The following TRPC7 variants were observed in gnomAD, a reference collection of about 807,000 sequenced individuals.
TRPC7 encodes transient receptor potential cation channel subfamily C member 7, also known as short transient receptor potential channel 7.
In TRPC7, 42 loss-of-function variants were observed where a neutral mutation model predicts 90.1. That is an observed-to-expected ratio of 0.47 (90% CI 0.36 to 0.60). The LOEUF is 0.60. Ranked by LOEUF, TRPC7 falls within the 20% of genes least tolerant of loss-of-function variation. The pLI, the probability that TRPC7 is intolerant of heterozygous loss-of-function variation, is 0.00. For synonymous variants in TRPC7, 451 were observed against 436.3 expected (o/e 1.03, Z -0.42); for missense variants, 955 against 1,112.3 (o/e 0.86, Z 2.01).
intron 1 of TRPC7, among the ~76,000 whole-genome samples, chr5:136,360,979 G>C (rs1760550738): frequency 6.6e-6 from 1 of 152,094 alleles, no homozygotes; most frequent in African/African-American, 2.4e-5. Flanking sequence ...AGATATTCAT[G>C]TTTTAGCTAT....
At chr5:136,219,950 C>A (rs552217564) in intron 10 of TRPC7, among the ~76,000 whole-genome samples, 11 of 152,286 alleles carry the variant, frequency 7.2e-5, no homozygotes, top group African/African-American at 2.2e-4. Flanking sequence ...AAGTCAGGGA[C>A]CCTGAATGGA....
intron 7 of TRPC7, among the ~76,000 whole-genome samples, chr5:136,245,538 G>A (rs548008108): frequency 1.3e-4 from 20 of 152,266 alleles, no homozygotes; most frequent in African/African-American, 4.8e-4. Flanking sequence ...TGAGGGGCAG[G>A]GATCAGAGCC....
intron 7 of TRPC7, among the ~76,000 whole-genome samples, chr5:136,233,646 T>A (rs1755886867): frequency 6.6e-6 from 1 of 152,166 alleles, no homozygotes; most frequent in Non-Finnish European, 1.5e-5. Context: ...TGATCTAGGA[T>A]TATACACTTG....
intron 2 of TRPC7, among the ~76,000 whole-genome samples, chr5:136,336,618 T>TCC (rs1343873642): frequency 6.6e-6 from 1 of 152,054 alleles, no homozygotes; most frequent in Admixed American, 6.5e-5. Flanking sequence ...CATTAACTCA[T>TCC]CATTTATATT....
At chr5:136,321,386 A>G (rs1252942498) in intron 2 of TRPC7, among the ~76,000 whole-genome samples, 1 of 152,134 alleles carries the variant, frequency 6.6e-6, no homozygotes, top group East Asian at 1.9e-4. Context: ...TTCTTATTTT[A>G]CTACTTGCCA....
chr5:136,213,743 G>A, intron 11 of TRPC7, 139 bp from the exon 12 acceptor site: 1 of 856,930 alleles, frequency 1.2e-6, no homozygotes, highest in Non-Finnish European at 1.8e-6. Flanking sequence ...GTGAGGCAAG[G>A]GGGGCTCTAT....
intron 8 of TRPC7, among the ~76,000 whole-genome samples, chr5:136,227,494 G>A (rs1755665868): frequency 6.6e-6 from 1 of 151,912 alleles, no homozygotes; most frequent in African/African-American, 2.4e-5. Context: ...AGGCTGCTGG[G>A]ATATACCACA....
intron 4 of TRPC7, among the ~76,000 whole-genome samples, chr5:136,269,580 C>T (rs985376644): frequency 2.6e-5 from 4 of 152,202 alleles, no homozygotes; most frequent in African/African-American, 7.2e-5. Context: ...GAGTCTCCTT[C>T]GCCAAATGCC....
chr5:136,301,829 C>G (rs1480759635), intron 3 of TRPC7, among the ~76,000 whole-genome samples: 1 of 152,232 alleles, frequency 6.6e-6, no homozygotes, highest in Non-Finnish European at 1.5e-5. Context: ...CACGGACACG[C>G]ATGAAATTTG....
intron 1 of TRPC7, among the ~76,000 whole-genome samples, chr5:136,362,541 A>C (rs531713383): frequency 1.6e-4 from 25 of 152,300 alleles, no homozygotes; most frequent in Admixed American, 1.6e-3. Flanking sequence ...TTATCATTTT[A>C]AGTTCTCACA....
intron 2 of TRPC7, among the ~76,000 whole-genome samples, chr5:136,335,827 C>T (rs1005271772): frequency 2.0e-5 from 3 of 147,672 alleles, no homozygotes; most frequent in African/African-American, 5.0e-5. Flanking sequence ...TGGCGTGAAC[C>T]CGGGAGGCGG....
At chr5:136,301,029 G>A (rs1758363115) in intron 3 of TRPC7, among the ~76,000 whole-genome samples, 3 of 152,078 alleles carry the variant, frequency 2.0e-5, no homozygotes, top group Admixed American at 2.0e-4. Context: ...ATGTGGTCCA[G>A]GCATTTTTCT....
intron 4 of TRPC7, among the ~76,000 whole-genome samples, chr5:136,273,417 C>T (rs965890754): frequency 1.3e-5 from 2 of 152,164 alleles, no homozygotes; most frequent in African/African-American, 4.8e-5. Context: ...GCAAAATCCT[C>T]AATAGATGTA....
intron 5 of TRPC7, among the ~76,000 whole-genome samples, chr5:136,258,658 T>G (rs74706341): frequency 1.3e-5 from 2 of 152,242 alleles, no homozygotes; most frequent in Admixed American, 6.5e-5. Context: ...TTCTGAGTAA[T>G]GTCCTGCAGG....
chr5:136,246,789 A>T (rs1756353688), intron 7 of TRPC7, among the ~76,000 whole-genome samples: 1 of 152,080 alleles, frequency 6.6e-6, no homozygotes, highest in Non-Finnish European at 1.5e-5. Context: ...AGTAAGAATA[A>T]TTTTTTTTAC....
At chr5:136,354,047 C>T (rs1051813532) in intron 2 of TRPC7, among the ~76,000 whole-genome samples, 22 of 152,122 alleles carry the variant, frequency 1.4e-4, no homozygotes, top group African/African-American at 5.3e-4. Context: ...GAGAACTGTG[C>T]AATTTTCCAG....
intron 2 of TRPC7, among the ~76,000 whole-genome samples, chr5:136,322,337 T>A (rs927917260): frequency 1.3e-5 from 2 of 152,182 alleles, no homozygotes; most frequent in Non-Finnish European, 2.9e-5. Context: ...AAGTTTATTG[T>A]GTGAACATAA....
intron 8 of TRPC7, among the ~76,000 whole-genome samples, chr5:136,227,912 A>G (rs1379566928): frequency 1.3e-5 from 2 of 152,254 alleles, no homozygotes; most frequent in Non-Finnish European, 2.9e-5. Context: ...TAAGCCCTCA[A>G]TAAATGTGAT....
chr5:136,259,308 C>T (rs1323709676), intron 5 of TRPC7, among the ~76,000 whole-genome samples: 7 of 152,208 alleles, frequency 4.6e-5, no homozygotes, highest in African/African-American at 1.4e-4. Flanking sequence ...CCTGCCATGC[C>T]CTCCACTGGG....
Sources: gnomAD v4.1 joint callset for allele counts (sites outside exome capture counted in the v4.1 genomes callset) on GRCh38, gnomAD v4.1.1 for gene constraint, MANE v1.5 for transcripts, NCBI Gene and HGNC (gene_info 2026-07-23, HGNC 2026-07-21) for gene names.